The following GABRB1 variants were observed in gnomAD, a reference collection of about 807,000 sequenced individuals.
GABRB1 encodes gamma-aminobutyric acid type A receptor subunit beta1.
In GABRB1, 17 loss-of-function variants were observed where a neutral mutation model predicts 51.6. The ratio of observed to expected loss-of-function variants is 0.33; its 90% confidence interval spans 0.23 to 0.49. The LOEUF is 0.49. GABRB1 is among the 20% of genes least tolerant of loss of function. The pLI, the probability that GABRB1 is intolerant of heterozygous loss-of-function variation, is 0.99. For synonymous variants in GABRB1, 247 were observed against 218.9 expected, an observed-to-expected ratio of 1.13 and a Z score of -1.14; for missense variants, 410 against 600.6, an observed-to-expected ratio of 0.68 and a Z score of 3.32.
intron 4 of GABRB1, among the ~76,000 whole-genome samples, chr4:47,234,963 T>C (rs1721273299): frequency 1.3e-5 from 2 of 152,212 alleles, no homozygotes; most frequent in Admixed American, 6.5e-5. Flanking sequence ...TACAGGTTCC[T>C]AACGAGGTTT....
intron 3 of GABRB1, among the ~76,000 whole-genome samples, chr4:47,068,531 C>T (rs1257223457): frequency 6.6e-6 from 1 of 152,168 alleles, no homozygotes; most frequent in East Asian, 1.9e-4. Context: ...GGGTTATTAA[C>T]TGGCCTAATT....
At chr4:47,122,669 G>A (rs1331494688) in intron 3 of GABRB1, among the ~76,000 whole-genome samples, 1 of 152,114 alleles carries the variant, frequency 6.6e-6, no homozygotes, top group East Asian at 1.9e-4. Context: ...TCTCTGAGGG[G>A]AAGTATGATA....
At chr4:47,126,946 A>G (rs1230707297) in intron 3 of GABRB1, among the ~76,000 whole-genome samples, 5 of 151,948 alleles carry the variant, frequency 3.3e-5, no homozygotes, top group Non-Finnish European at 5.9e-5. Context: ...ATATACAGAG[A>G]GCCTCCCATT....
intron 4 of GABRB1, among the ~76,000 whole-genome samples, chr4:47,319,790 C>T (rs1240641874): frequency 6.6e-6 from 1 of 152,142 alleles, no homozygotes; most frequent in African/African-American, 2.4e-5. Flanking sequence ...TGGTAGACCT[C>T]ATCCATGAAA....
At chr4:47,168,352 G>C (rs1223986956) in intron 4 of GABRB1, among the ~76,000 whole-genome samples, 1 of 152,050 alleles carries the variant, frequency 6.6e-6, no homozygotes, top group Non-Finnish European at 1.5e-5. Flanking sequence ...GTCCCAAAGA[G>C]TACACACATT....
At chr4:47,243,839 T>A (rs1341559069) in intron 4 of GABRB1, among the ~76,000 whole-genome samples, 1 of 152,160 alleles carries the variant, frequency 6.6e-6, no homozygotes, top group African/African-American at 2.4e-5. Flanking sequence ...ACAGGGACAA[T>A]TTGACTTCCT....
chr4:47,337,253 G>C (rs974389081), intron 5 of GABRB1, among the ~76,000 whole-genome samples: 1 of 151,906 alleles, frequency 6.6e-6, no homozygotes, highest in Non-Finnish European at 1.5e-5. Flanking sequence ...CCCATCCCCC[G>C]AAAGAAGTGA....
intron 5 of GABRB1, among the ~76,000 whole-genome samples, chr4:47,371,359 C>T (rs777507383): frequency 3.3e-5 from 5 of 152,128 alleles, no homozygotes; most frequent in Non-Finnish European, 7.4e-5. Context: ...TGCATTGATT[C>T]CATGTCTTTG....
At chr4:47,100,850 T>C (rs970108124) in intron 3 of GABRB1, among the ~76,000 whole-genome samples, 1 of 151,914 alleles carries the variant, frequency 6.6e-6, no homozygotes, top group South Asian at 2.1e-4. Flanking sequence ...TAGGTCTTAA[T>C]GTATAATAGA....
chr4:47,222,039 A>C (rs1228351656), intron 4 of GABRB1, among the ~76,000 whole-genome samples: 1 of 152,120 alleles, frequency 6.6e-6, no homozygotes, highest in Admixed American at 6.6e-5. Context: ...TACGAATGAT[A>C]ATGCAAAAAT....
chr4:47,039,601 C>T (rs145491004), intron 3 of GABRB1, among the ~76,000 whole-genome samples: 7 of 152,024 alleles, frequency 4.6e-5, no homozygotes, highest in African/African-American at 1.7e-4. Context: ...GTATAGGATC[C>T]TATGGGAGCA....
chr4:47,148,533 T>C (rs1391460652), intron 3 of GABRB1, among the ~76,000 whole-genome samples: 4 of 152,070 alleles, frequency 2.6e-5, no homozygotes, highest in Non-Finnish European at 1.5e-5. Flanking sequence ...TAGTTGCTAC[T>C]ATAACTAATG....
intron 4 of GABRB1, among the ~76,000 whole-genome samples, chr4:47,312,070 T>TGTGTGTGA (rs35215831): frequency 0.015 from 2,198 of 149,412 alleles, 48 homozygotes; most frequent in African/African-American, 0.049. Context: ...TGTGTGTGTG[T>TGTGTGTGA]GCGCGTGCAT....
chr4:47,046,438 T>TA (rs1289840261), intron 3 of GABRB1, among the ~76,000 whole-genome samples: 4 of 152,088 alleles, frequency 2.6e-5, no homozygotes, highest in African/African-American at 9.7e-5. Flanking sequence ...GAAAGGTTAT[T>TA]AAAAATTATA....
At chr4:47,207,835 T>C (rs1720197115) in intron 4 of GABRB1, among the ~76,000 whole-genome samples, 1 of 152,028 alleles carries the variant, frequency 6.6e-6, no homozygotes, top group Non-Finnish European at 1.5e-5. Context: ...TGTAAAGGCA[T>C]AGCATATATT....
intron 3 of GABRB1, among the ~76,000 whole-genome samples, chr4:47,109,839 A>T (rs1003195810): frequency 6.6e-6 from 1 of 152,128 alleles, no homozygotes; most frequent in Non-Finnish European, 1.5e-5. Flanking sequence ...TTTCAATCTC[A>T]AGAATTAAAC....
chr4:47,350,019 T>C (rs1726249353), intron 5 of GABRB1, among the ~76,000 whole-genome samples: 2 of 151,904 alleles, frequency 1.3e-5, no homozygotes, highest in South Asian at 4.1e-4. Context: ...GGAGAGAGAA[T>C]ACAATAATCT....
At chr4:47,056,391 T>C (rs1726604920) in intron 3 of GABRB1, among the ~76,000 whole-genome samples, 1 of 152,238 alleles carries the variant, frequency 6.6e-6, no homozygotes, top group Non-Finnish European at 1.5e-5. Flanking sequence ...ATAGATACTG[T>C]ATTTCCCAAC....
chr4:47,311,634 A>G (rs1361360272), intron 4 of GABRB1, among the ~76,000 whole-genome samples: 1 of 152,158 alleles, frequency 6.6e-6, no homozygotes, highest in Non-Finnish European at 1.5e-5. Flanking sequence ...CAGCCCTGCT[A>G]ACACCTTGAT....
Sources: allele counts gnomAD v4.1 joint callset (sites outside exome capture counted in the v4.1 genomes callset), GRCh38; gene constraint gnomAD v4.1.1; transcripts MANE v1.5; gene names NCBI Gene and HGNC (gene_info 2026-07-23, HGNC 2026-07-21).